SLC25A48: variants seen among roughly 807,000 people sequenced by gnomAD.
The protein encoded by SLC25A48 is solute carrier family 25 member 48.
Under a neutral mutation model 32.2 loss-of-function variants are expected in SLC25A48, and 29 were observed. The observed-to-expected ratio is 0.90, with a 90% confidence interval of 0.67 to 1.23. The LOEUF is 1.23. SLC25A48 is among the 50% of genes most tolerant of loss of function. SLC25A48 has a pLI of 0.00. For missense variants in SLC25A48, 399 were observed against 422.7 expected, an observed-to-expected ratio of 0.94 and a Z score of 0.49; for synonymous variants, 164 against 172.3, an observed-to-expected ratio of 0.95 and a Z score of 0.38.
chr5:135,874,761 G>A (rs774130263), intron 6 of SLC25A48: 6 of 694,814 alleles, frequency 8.6e-6, no homozygotes, highest in South Asian at 7.6e-5. Context: ...CACCTGAAAA[G>A]GTGCTGCCCC....
chr5:135,623,849 T>C (rs1752381702), intron 1 of SLC25A48, among the ~76,000 whole-genome samples: 2 of 152,220 alleles, frequency 1.3e-5, no homozygotes, highest in African/African-American at 4.8e-5. Context: ...GCAAGACTTC[T>C]GAGAACACAG....
At chr5:135,686,704 G>A (rs550371956) in intron 3 of SLC25A48, among the ~76,000 whole-genome samples, 1 of 152,318 alleles carries the variant, frequency 6.6e-6, no homozygotes, top group African/African-American at 2.4e-5. Flanking sequence ...TGGATGGTTG[G>A]ATGGACAGCT....
chr5:135,593,988 AC>A (rs1455918435), intron 1 of SLC25A48, among the ~76,000 whole-genome samples: 3 of 152,196 alleles, frequency 2.0e-5, no homozygotes, highest in Admixed American at 1.3e-4. Flanking sequence ...CATCTTGTTT[AC>A]CTGGCACAGT....
At chr5:135,640,427 G>A (rs1752805939) in intron 3 of SLC25A48, among the ~76,000 whole-genome samples, 1 of 152,040 alleles carries the variant, frequency 6.6e-6, no homozygotes, top group African/African-American at 2.4e-5. Flanking sequence ...ACCCCAAGTA[G>A]GATTCATTTA....
chr5:135,749,348 C>T (rs1411594018), intron 3 of SLC25A48, among the ~76,000 whole-genome samples: 1 of 151,942 alleles, frequency 6.6e-6, no homozygotes, highest in Non-Finnish European at 1.5e-5. Flanking sequence ...GTTTCTCCCA[C>T]TGTCCCCCTC....
intron 3 of SLC25A48, among the ~76,000 whole-genome samples, chr5:135,710,062 A>G (rs1485977127): frequency 6.6e-6 from 1 of 152,218 alleles, no homozygotes; most frequent in Non-Finnish European, 1.5e-5. Flanking sequence ...CAGTTGGCCA[A>G]TATAAGCTGG....
At chr5:135,635,172 G>A (rs946188677) in intron 3 of SLC25A48, among the ~76,000 whole-genome samples, 1 of 152,186 alleles carries the variant, frequency 6.6e-6, no homozygotes, top group East Asian at 1.9e-4. Context: ...CTCTGTGGGT[G>A]TACCAGCGTG....
At chr5:135,759,820 A>G (rs1343364993) in intron 3 of SLC25A48, among the ~76,000 whole-genome samples, 1 of 141,150 alleles carries the variant, frequency 7.1e-6, no homozygotes, top group African/African-American at 2.6e-5. Context: ...TTTACTTGTT[A>G]TATATCATCT....
At position 135,735,824 on chromosome 5, in the gene SLC25A48, T is replaced by C. The variant is rs370992108; in HGVS notation, c.-520-76699T>C. Among the ~76,000 whole-genome samples, 242 of 152,238 alleles carry C rather than the reference T, an allele frequency of 1.6e-3. 2 individuals carry two copies. Among genetic ancestry groups the C allele is most frequent in the African/African-American group, 4.9e-3 (204 of 41,538 alleles). On this transcript the variant is annotated intron_variant, in intron 3 of 10. Coordinates refer to the SLC25A48 transcript ENST00000646290. ...TATTGGAATTCCTGTATATATTCAG[T>C]AGGGTCTGAGTGCTGACTGATCTGA... is the stretch of plus-strand genomic sequence containing the variant.
chr5:135,761,481 AAAAG>A (rs1175367848), intron 3 of SLC25A48, among the ~76,000 whole-genome samples: 1 of 152,138 alleles, frequency 6.6e-6, no homozygotes, highest in Admixed American at 6.5e-5. Context: ...AGAAGAAAGA[AAAAG>A]AAAACTGAAC....
At chr5:135,579,900 C>T (rs942824930) in intron 1 of SLC25A48, among the ~76,000 whole-genome samples, 6 of 152,222 alleles carry the variant, frequency 3.9e-5, no homozygotes, top group African/African-American at 1.4e-4. Flanking sequence ...CTCCTCACTA[C>T]TTTCCAGCAC....
At chr5:135,657,620 A>G (rs1485974621) in intron 3 of SLC25A48, among the ~76,000 whole-genome samples, 1 of 152,170 alleles carries the variant, frequency 6.6e-6, no homozygotes, top group Non-Finnish European at 1.5e-5. Flanking sequence ...CTTGATCCTC[A>G]TTTTGCAGAG....
chr5:135,690,392 T>C (rs1561792023), intron 3 of SLC25A48, among the ~76,000 whole-genome samples: 1 of 152,136 alleles, frequency 6.6e-6, no homozygotes, highest in Non-Finnish European at 1.5e-5. Flanking sequence ...GAAGGCTGCA[T>C]GAAGGTAAGC....
chr5:135,798,328 C>G (rs1757237776), intron 3 of SLC25A48, among the ~76,000 whole-genome samples: 2 of 150,944 alleles, frequency 1.3e-5, no homozygotes, highest in East Asian at 2.0e-4. Flanking sequence ...TGTACAGCAC[C>G]CCTGATATTG....
chr5:135,610,142 A>C (rs1752031352), intron 1 of SLC25A48, among the ~76,000 whole-genome samples: 1 of 152,186 alleles, frequency 6.6e-6, no homozygotes, highest in Non-Finnish European at 1.5e-5. Flanking sequence ...GGCCAGCTCC[A>C]GCATGGAGAG....
chr5:135,605,063 A>G (rs1751901290), intron 1 of SLC25A48, among the ~76,000 whole-genome samples: 1 of 152,234 alleles, frequency 6.6e-6, no homozygotes, highest in African/African-American at 2.4e-5. Flanking sequence ...AATTTTGGGT[A>G]TAAACTGAGC....
intron 3 of SLC25A48, among the ~76,000 whole-genome samples, chr5:135,762,352 A>G (rs561544649): frequency 6.6e-6 from 1 of 152,286 alleles, no homozygotes; most frequent in Admixed American, 6.5e-5. Context: ...AGAGGCACAC[A>G]TCGTGCTGGA....
At chr5:135,733,057 G>A (rs2126993493) in intron 3 of SLC25A48, among the ~76,000 whole-genome samples, 1 of 152,314 alleles carries the variant, frequency 6.6e-6, no homozygotes, top group South Asian at 2.1e-4. Context: ...TAACAGCATG[G>A]TGGTGCAGAA....
intron 1 of SLC25A48, among the ~76,000 whole-genome samples, chr5:135,585,720 C>T (rs1751348614): frequency 6.6e-6 from 1 of 152,052 alleles, no homozygotes. Flanking sequence ...GTCTAGAGTA[C>T]TAGTCTATCA....
Sources: allele counts gnomAD v4.1 joint callset (sites outside exome capture counted in the v4.1 genomes callset), GRCh38; gene constraint gnomAD v4.1.1; transcripts MANE v1.5; gene names NCBI Gene and HGNC (gene_info 2026-07-23, HGNC 2026-07-21).